Variants in MRC2 observed in about 807,000 individuals in gnomAD.
The protein encoded by MRC2 is mannose receptor C-type 2, also known as C-type mannose receptor 2.
Under a neutral mutation model 206.2 loss-of-function variants are expected in MRC2, and 84 were observed. The ratio of observed to expected loss-of-function variants is 0.41; its 90% confidence interval spans 0.34 to 0.49. The LOEUF (loss-of-function observed/expected upper bound fraction) is 0.49, where lower values mean the gene tolerates loss of function less well. MRC2 is among the 20% of genes least tolerant of loss of function. The pLI, the probability that MRC2 is intolerant of heterozygous loss-of-function variation, is 0.31. For missense variants in MRC2, 1,676 were observed against 2,001.5 expected, an observed-to-expected ratio of 0.84 and a Z score of 3.10; for synonymous variants, 798 against 800.0, an observed-to-expected ratio of 1.00 and a Z score of 0.04.
chr17:62,638,536 G>C (rs1168911739), intron 1 of MRC2, among the ~76,000 whole-genome samples: 1 of 151,832 alleles, frequency 6.6e-6, no homozygotes, highest in African/African-American at 2.4e-5. Flanking sequence ...TCAGGAGTTC[G>C]AGACCAGCCT....
In MRC2 at chr17:62,680,058, C is replaced by G. The variant is rs1432646843; in HGVS notation, c.2299-112C>G. ...GCAGGTCCGAGAGGGGTCACCCGGC[C>G]CCCGGTGAGAATTCGCAGCTCAGGC... On this transcript the variant is annotated intron_variant, in intron 14 of 29. Coordinates refer to ENST00000303375, the MANE Select transcript of MRC2 (RefSeq NM_006039.5). This position sits in a 1 kb window ranked among gnomAD's most constrained non-coding sequence, Gnocchi z 4.8. The G allele has an allele frequency of 1.9e-6, 3 of 1,544,550 alleles. No homozygotes were observed. Among genetic ancestry groups the G allele is most frequent in the Non-Finnish European group, 2.6e-6 (3 of 1,134,458 alleles).
At chr17:62,628,964 C>T (rs73333649) in intron 1 of MRC2, among the ~76,000 whole-genome samples, 13 of 152,288 alleles carry the variant, frequency 8.5e-5, no homozygotes, top group African/African-American at 2.9e-4. Flanking sequence ...TCTGGGGCCT[C>T]CAGCCTGGCC....
intron 1 of MRC2, among the ~76,000 whole-genome samples, chr17:62,628,541 A>C (rs1214281023): frequency 6.6e-6 from 1 of 152,194 alleles, no homozygotes; most frequent in Non-Finnish European, 1.5e-5. Context: ...ACTGGGACGC[A>C]GCAACAGGCT....
intron 26 of MRC2, 120 bp downstream of exon 26, chr17:62,690,425 T>A (rs2089092822): frequency 7.1e-7 from 1 of 1,398,632 alleles, no homozygotes; most frequent in Non-Finnish European, 9.6e-7. Flanking sequence ...TTACACAAGA[T>A]GCCCTCGTGC....
rs546895407 is a variant in MRC2 at position 62,677,356 on chromosome 17, G to C, written c.1922G>C (p.Arg641Pro). 4 of 1,609,294 alleles carry C rather than the reference G, an allele frequency of 2.5e-6. No homozygotes were observed. In the Admixed American group the frequency reaches 5.0e-5, roughly 20 times the overall value. The change falls in exon 12 of 30, where the codon CGC (arginine) becomes CCC (proline). Residue 641 changes from arginine (R) to proline (P), a missense_variant. Transcript: ENST00000303375. ...AAGAACTGTACCTCGTTCCGGGCCC[G>C]CTACATCTGCCGGCAGAGCCTGGGC... ...EVKNCTSFRARYICRQSLGTP... is the reference protein window; with the variant it reads ...EVKNCTSFRAPYICRQSLGTP...
intron 20 of MRC2, among the ~76,000 whole-genome samples, chr17:62,686,450 C>CACAACAACA (rs2089033373): frequency 1.7e-5 from 1 of 58,352 alleles, no homozygotes; most frequent in African/African-American, 5.1e-5. Flanking sequence ...AAGACTCCAT[C>CACAACAACA]TCAACAACAA....
At chr17:62,637,558 AAAAG>A (rs1245059239) in intron 1 of MRC2, among the ~76,000 whole-genome samples, 1 of 151,772 alleles carries the variant, frequency 6.6e-6, no homozygotes, top group African/African-American at 2.4e-5. Flanking sequence ...AAAGAAAAGA[AAAAG>A]AAAGAATTCC....
intron 26 of MRC2, 55 bp from the exon 27 acceptor site, chr17:62,690,587 A>T (rs1030196957): frequency 1.4e-6 from 2 of 1,417,906 alleles, no homozygotes. Flanking sequence ...GCTCTGGGGG[A>T]CTCTGCCCCC....
At chr17:62,658,021 C>T (rs187553403) in intron 1 of MRC2, among the ~76,000 whole-genome samples, 1 of 152,060 alleles carries the variant, frequency 6.6e-6, no homozygotes, top group Admixed American at 6.6e-5. Context: ...CTTTTTGATT[C>T]CTCAGCCTTT....
chr17:62,676,652 T>C lies in MRC2; in HGVS notation c.1834+121T>C, dbSNP rs1382216999. On this transcript the variant is annotated intron_variant, in intron 11 of 29. Transcript: ENST00000303375. ...AGATCATTGGTGCACTGTGGTGTAGTGTCTATGAGCACAAGCTCTGAAACC... is the reference window on the plus strand; with the variant it reads ...AGATCATTGGTGCACTGTGGTGTAGCGTCTATGAGCACAAGCTCTGAAACC... 11 of 1,265,132 alleles carry C rather than the reference T, an allele frequency of 8.7e-6. No individual in the cohort carries two copies. The African/African-American group carries it at 1.1e-4, about 12-fold the overall frequency. 78.4% of individuals were successfully genotyped at this position (1,265,132 alleles called of 1,614,324 possible).
chr17:62,656,664 TGGTCTGACAGGTCAGAGGA>T (rs2088622875), intron 1 of MRC2, among the ~76,000 whole-genome samples: 1 of 152,174 alleles, frequency 6.6e-6, no homozygotes, highest in South Asian at 2.1e-4. Flanking sequence ...CCCAAGAGGC[TGGTCTGACAGGTCAGAGGA>T]GGTCCTAGAG....
chr17:62,628,240 G>A (rs1272436953), intron 1 of MRC2, among the ~76,000 whole-genome samples: 1 of 151,998 alleles, frequency 6.6e-6, no homozygotes, highest in Non-Finnish European at 1.5e-5. Context: ...CCGCGCTCCC[G>A]GACCACCCGG....
At chr17:62,682,019 C>A in intron 19 of MRC2, 82 bp downstream of exon 19, 1 of 1,282,346 alleles carries the variant, frequency 7.8e-7, no homozygotes, top group South Asian at 1.4e-5. Flanking sequence ...AGTCATCAGT[C>A]TGTTCTCATT....
Position 62,690,879 on chromosome 17 carries a change from C to T in MRC2, c.4013-70C>T, listed in dbSNP as rs2089101480. On this transcript the variant is annotated intron_variant, in intron 27 of 29. Coordinates refer to ENST00000303375, the MANE Select transcript of MRC2 (RefSeq NM_006039.5). ...GGGGGACAGGGAGTCGGTTCTAGAA[C>T]ACACCTGCTCTCCTCCACCTACTCC... 4 of 1,494,192 alleles carry T rather than the reference C, an allele frequency of 2.7e-6. No individual in the cohort carries two copies. The East Asian group carries it at 7.3e-5, about 27-fold the overall frequency. 92.6% of individuals were successfully genotyped at this position (1,494,192 alleles called of 1,614,324 possible). A position where few individuals can be genotyped will look rare whatever the true frequency, so the allele number is the denominator to read the frequency against.
chr17:62,670,879 C>T (rs1002187077), intron 6 of MRC2, among the ~76,000 whole-genome samples: 12 of 152,116 alleles, frequency 7.9e-5, no homozygotes, highest in African/African-American at 2.9e-4. Flanking sequence ...AGTTTTCTCC[C>T]TCCTGGGCTT....
At position 62,666,238 on chromosome 17, in the gene MRC2, ACGAGCGC is replaced by A. The variant is rs2088752553; in HGVS notation, c.666_672del (p.Glu223GlyfsTer20). On this transcript the variant is annotated frameshift_variant, in exon 3 of 30. Coordinates refer to ENST00000303375, the MANE Select transcript of MRC2 (RefSeq NM_006039.5). LOFTEE classifies it high-confidence loss of function. This position sits in a 1 kb window ranked among gnomAD's most constrained non-coding sequence, Gnocchi z 5.0. ...GCCACCACCCAGGACTACGGCAAAG[ACGAGCGC>A]TGGGGCTTCTGCCCCATCAAGAGTG... The A allele has an allele frequency of 6.3e-7, 1 of 1,594,904 alleles. No individual in the cohort carries two copies. The highest frequency in any genetic ancestry group is 8.5e-7 in the Non-Finnish European group (1 of 1,171,432).
intron 20 of MRC2, among the ~76,000 whole-genome samples, chr17:62,685,108 C>T (rs1025277962): frequency 6.6e-5 from 10 of 151,996 alleles, no homozygotes; most frequent in African/African-American, 2.2e-4. Flanking sequence ...AGCCACTGCA[C>T]TCCAGCCTGG....
At chr17:62,631,143 GC>G (rs1292360386) in intron 1 of MRC2, among the ~76,000 whole-genome samples, 2 of 152,260 alleles carry the variant, frequency 1.3e-5, no homozygotes, top group African/African-American at 4.8e-5. Context: ...TTTCGGAAGT[GC>G]CATGCAGTTC....
chr17:62,664,788 G>T lies in MRC2; in HGVS notation c.359G>T (p.Arg120Leu). Residue 120 changes from arginine to leucine, a missense_variant, in exon 2 of 30, where the codon CGC (arginine) becomes CTC (leucine). Physicochemically the swap from Arg to Leu is moderately radical, Grantham distance 102. Coordinates refer to ENST00000303375, the MANE Select transcript of MRC2 (RefSeq NM_006039.5). The surrounding 1 kb of genome is among the most constrained non-coding windows in gnomAD (Gnocchi z 4.7). The part of the protein sequence containing the change: ...YECDREALNL[R>L]WHCRTLGDQL... ...TGTGACCGGGAAGCACTGAATCTTC[G>T]CTGGCATTGTCGTACACTGGGTGAC... The T allele has an allele frequency of 6.2e-7, 1 of 1,613,922 alleles. No individual in the cohort carries two copies.
Sources: allele counts gnomAD v4.1 joint callset (sites outside exome capture counted in the v4.1 genomes callset), GRCh38; gene constraint gnomAD v4.1.1; non-coding constraint Gnocchi (gnomAD v3.1); transcripts MANE v1.5; gene names NCBI Gene and HGNC (gene_info 2026-07-23, HGNC 2026-07-21).